The following PCLO variants were observed in gnomAD, a reference collection of about 807,000 sequenced individuals.
The protein encoded by PCLO is protein piccolo.
A neutral mutation model predicts 427.5 loss-of-function variants in PCLO; 82 were observed. That is an observed-to-expected ratio of 0.19 (90% CI 0.16 to 0.23). The LOEUF (loss-of-function observed/expected upper bound fraction) is 0.23. Ranked by LOEUF, PCLO falls within the 10% of genes least tolerant of loss-of-function variation. The pLI is 1.00. For missense variants in PCLO, 6,239 were observed against 6,115.9 expected, an observed-to-expected ratio of 1.02 and a Z score of -0.67; for synonymous variants, 2,357 against 2,155.4, an observed-to-expected ratio of 1.09 and a Z score of -2.59.
chr7:83,056,279 AAT>A (rs767892091), intron 3 of PCLO, among the ~76,000 whole-genome samples: 1 of 152,184 alleles, frequency 6.6e-6, no homozygotes, highest in Non-Finnish European at 1.5e-5. Context: ...AATTAAAACA[AAT>A]ACATAGTGGA....
At chr7:82,789,324 A>G (rs1279569358) in intron 22 of PCLO, among the ~76,000 whole-genome samples, 2 of 152,238 alleles carry the variant, frequency 1.3e-5, no homozygotes, top group African/African-American at 4.8e-5. Flanking sequence ...TCTTAAATCG[A>G]AGAAGCATCA....
At chr7:83,151,304 C>T (rs1792123439) in intron 2 of PCLO, among the ~76,000 whole-genome samples, 3 of 152,130 alleles carry the variant, frequency 2.0e-5, no homozygotes, top group African/African-American at 7.2e-5. Flanking sequence ...ATACTGTTAT[C>T]TATGTAAAAA....
intron 6 of PCLO, among the ~76,000 whole-genome samples, chr7:82,946,787 A>C (rs928110897): frequency 6.6e-6 from 1 of 152,176 alleles, no homozygotes; most frequent in African/African-American, 2.4e-5. Flanking sequence ...TGAGATCCTA[A>C]TAGAGTTTAA....
At chr7:82,856,988 CT>C (rs1792824943) in intron 10 of PCLO, among the ~76,000 whole-genome samples, 1 of 152,096 alleles carries the variant, frequency 6.6e-6, no homozygotes. Flanking sequence ...CTTACTCTCT[CT>C]GTGTTGTATG....
Position 82,904,037 on chromosome 7 carries a change from A to G in PCLO, c.13438-1296T>C, listed in dbSNP as rs572347451. On this transcript the variant is annotated intron_variant, in intron 8 of 24. Coordinates refer to ENST00000333891, the MANE Select transcript of PCLO (RefSeq NM_033026.6). ...CTTAGATTAACATAAAATACTCCCT[A>G]AACAACAGCAGAATCCTGTTAAGTC... is the stretch of plus-strand genomic sequence containing the variant. Among the ~76,000 whole-genome samples the G allele has an allele frequency of 3.3e-4, 50 of 152,084 alleles. 1 individual carries two copies. The South Asian group carries it at 0.01, about 31-fold the overall frequency.
At chr7:82,822,030 C>T (rs528919426) in intron 20 of PCLO, 1 of 990,898 alleles carries the variant, frequency 1.0e-6, no homozygotes, top group East Asian at 1.1e-4. Context: ...TCTGCCTAGA[C>T]TTTTTGAGTG....
At chr7:82,820,251 T>C (rs994094087) in intron 20 of PCLO, among the ~76,000 whole-genome samples, 1 of 152,228 alleles carries the variant, frequency 6.6e-6, no homozygotes, top group African/African-American at 2.4e-5. Context: ...ATTATTTATT[T>C]ACATTTTAAT....
At position 83,134,777 on chromosome 7, in the gene PCLO, C is replaced by T; in HGVS notation, c.2773G>A (p.Glu925Lys). Reference sequence around the variant, plus strand: ...CCAAAGAGTTTCCCAGTCACGGTCTCTTGAGGAGTTGTAGGCTGTGATTTG... The same window carrying T: ...CCAAAGAGTTTCCCAGTCACGGTCTTTTGAGGAGTTGTAGGCTGTGATTTG... ...APKSQPTTPQ[E>K]TVTGKLFGFG... Residue 925 changes from glutamate (E) to lysine (K), a missense_variant, in exon 3 of 25, where the codon GAG (glutamate) becomes AAG (lysine). Around this residue, in one of 5 missense-constraint regions of PCLO, gnomAD observed 4,677 missense variants for 4,468.4 expected, o/e 1.05. Coordinates refer to ENST00000333891, the MANE Select transcript of PCLO (RefSeq NM_033026.6). 1 of 1,613,900 alleles carries T rather than the reference C, an allele frequency of 6.2e-7. No individual in the cohort carries two copies.
chr7:82,805,845 A>T lies in PCLO; in HGVS notation c.14792-16T>A. The T allele has an allele frequency of 6.3e-7, 1 of 1,589,036 alleles. No homozygotes were observed. Among genetic ancestry groups the T allele is most frequent in the Non-Finnish European group, 8.6e-7 (1 of 1,167,178 alleles). ...GGAGGCTTTGCTGCATGGTGTGGGAAGATTCAACACCACAGTCAATAAATG... is the reference window on the plus strand; with the variant it reads ...GGAGGCTTTGCTGCATGGTGTGGGATGATTCAACACCACAGTCAATAAATG... On this transcript the variant is annotated splice_polypyrimidine_tract_variant and intron_variant, in intron 20 of 24. Coordinates refer to ENST00000333891, the MANE Select transcript of PCLO (RefSeq NM_033026.6).
chr7:82,951,181 C>T lies in PCLO; in HGVS notation c.9407G>A (p.Ser3136Asn), dbSNP rs1306309703. 1.9e-6 allele frequency: 3 copies of T among 1,613,524 alleles called. No homozygotes were observed. The highest frequency in any genetic ancestry group is 3.3e-5 in the Admixed American group (2 of 59,972). ...AAAATATGATCTAGGCATTGGCTGG[C>T]TATGGTGCATGGCAGGTAATGAAGT... ...AVTSLPAMHH[S>N]QPMPRSYFIT... Residue 3136 changes from serine (S) to asparagine (N), a missense_variant, in exon 6 of 25, where the codon AGC becomes AAC. Physicochemically the swap from Ser to Asn is conservative, Grantham distance 46 (BLOSUM62 1). Around this residue, in one of 5 missense-constraint regions of PCLO, gnomAD observed 4,677 missense variants for 4,468.4 expected, o/e 1.05. Transcript: ENST00000333891.
intron 3 of PCLO, among the ~76,000 whole-genome samples, chr7:83,123,956 CAAAAAAAA>C (rs71074625): frequency 3.4e-5 from 1 of 29,058 alleles, no homozygotes; most frequent in African/African-American, 1.7e-4. Context: ...AACTCTGTCT[CAAAAAAAA>C]AAAAAAAAAA....
intron 6 of PCLO, among the ~76,000 whole-genome samples, chr7:82,929,239 C>T (rs567603069): frequency 6.6e-6 from 1 of 152,160 alleles, no homozygotes; most frequent in Non-Finnish European, 1.5e-5. Flanking sequence ...TCAAAGCTTA[C>T]CATGTAGTAA....
intron 9 of PCLO, among the ~76,000 whole-genome samples, chr7:82,893,867 G>T (rs1027916391): frequency 1.3e-5 from 2 of 151,706 alleles, no homozygotes; most frequent in Non-Finnish European, 2.9e-5. Context: ...TTAGAAAGAG[G>T]TACATTAGGC....
At chr7:83,105,986 G>C (rs1272256257) in intron 3 of PCLO, among the ~76,000 whole-genome samples, 1 of 152,210 alleles carries the variant, frequency 6.6e-6, no homozygotes, top group East Asian at 1.9e-4. Flanking sequence ...AAATTAGCAA[G>C]AAGTTAGAGA....
intron 9 of PCLO, among the ~76,000 whole-genome samples, chr7:82,884,322 A>G (rs1162262208): frequency 6.6e-6 from 1 of 152,190 alleles, no homozygotes; most frequent in Non-Finnish European, 1.5e-5. Flanking sequence ...AAGGAAGACG[A>G]GTAAAAAAAT....
intron 4 of PCLO, 118 bp downstream of exon 4, chr7:82,965,653 T>C: frequency 4.7e-6 from 3 of 638,678 alleles, no homozygotes; most frequent in Admixed American, 6.7e-5. Flanking sequence ...TTTAAGAATG[T>C]CATTCATTGT....
chr7:82,990,848 T>C (rs1480650353), intron 3 of PCLO, among the ~76,000 whole-genome samples: 1 of 152,018 alleles, frequency 6.6e-6, no homozygotes, highest in East Asian at 1.9e-4. Flanking sequence ...CATGATAAAA[T>C]AGGCAAATAA....
Position 82,986,604 on chromosome 7 carries a change from C to T in PCLO, c.3301-20117G>A, listed in dbSNP as rs1284897713. Among the ~76,000 whole-genome samples, 8 of 151,962 alleles carry T rather than the reference C, an allele frequency of 5.3e-5. No homozygotes were observed. The South Asian group carries it at 1.5e-3, about 28-fold the overall frequency. Reference sequence around the variant, plus strand: ...GAGCAGATCTAATTCTGGCATTGTTCATTTATACAGATGCACAAGATGCTG... The same window carrying T: ...GAGCAGATCTAATTCTGGCATTGTTTATTTATACAGATGCACAAGATGCTG... On this transcript the variant is annotated intron_variant, in intron 3 of 24. Coordinates refer to ENST00000333891, the MANE Select transcript of PCLO (RefSeq NM_033026.6).
chr7:83,116,233 A>C (rs946817357), intron 3 of PCLO, among the ~76,000 whole-genome samples: 14 of 150,614 alleles, frequency 9.3e-5, no homozygotes, highest in African/African-American at 3.4e-4. Context: ...TCTCAGAGTC[A>C]TGTTCACAAA....
Sources: allele counts gnomAD v4.1 joint callset (sites outside exome capture counted in the v4.1 genomes callset), GRCh38; gene constraint gnomAD v4.1.1; regional missense constraint gnomAD v4.1.1; transcripts MANE v1.5; gene names NCBI Gene and HGNC (gene_info 2026-07-23, HGNC 2026-07-21).